The following WDR53 variants were observed in gnomAD, a reference collection of about 807,000 sequenced individuals.
WDR53 encodes WD repeat-containing protein 53.
In WDR53, 19 loss-of-function variants were observed where a neutral mutation model predicts 21.3. That is an observed-to-expected ratio of 0.89 (90% CI 0.62 to 1.31). The LOEUF (loss-of-function observed/expected upper bound fraction) is 1.31, where lower values mean the gene tolerates loss of function less well. Ranked by LOEUF, WDR53 falls within the 50% of genes most tolerant of loss-of-function variation. The probability of loss-of-function intolerance (pLI) is 0.00; values close to 1 mark genes in which losing one functional copy is unlikely to be tolerated. For missense variants in WDR53, 374 were observed against 423.2 expected (o/e 0.88, Z 1.02); for synonymous variants, 157 against 163.4 (o/e 0.96, Z 0.30).
At chr3:196,557,937 T>G (rs1734484717) in intron 3 of WDR53, among the ~76,000 whole-genome samples, 1 of 151,788 alleles carries the variant, frequency 6.6e-6, no homozygotes, top group African/African-American at 2.4e-5. Flanking sequence ...ACTACACACC[T>G]GGCTACTTTT....
At chr3:196,556,285 C>G (rs531510005) in intron 3 of WDR53, among the ~76,000 whole-genome samples, 1 of 152,000 alleles carries the variant, frequency 6.6e-6, no homozygotes, top group Non-Finnish European at 1.5e-5. Context: ...TGGGCTCAAG[C>G]GATCCACTCA....
chr3:196,556,118 T>A lies in WDR53; in HGVS notation c.481-1311A>T, dbSNP rs537684267. ...TAGAGTGCAGTGGCATGACCATGGC[T>A]CACTGCAGCCTTGACCTCTTGGGTT... On this transcript the variant is annotated intron_variant, in intron 3 of 3. Transcript: ENST00000332629. Among the ~76,000 whole-genome samples the A allele has an allele frequency of 6.5e-4, 99 of 152,176 alleles. 1 individual carries two copies. The highest frequency in any genetic ancestry group is 2.4e-3 in the African/African-American group (98 of 41,534).
chr3:196,554,462 T>G lies in WDR53; in HGVS notation c.826A>C (p.Lys276Gln). The change falls in exon 4 of 4, where the codon AAA becomes CAA. Residue 276 changes from lysine to glutamine, a missense_variant. Coordinates refer to ENST00000332629, the MANE Select transcript of WDR53 (RefSeq NM_182627.3). ...CGTTTTGTGGGACTCTTCTGTTTTT[T>G]CTCAACTTCACTGTTTGCATCCCAC... ...TLWDANSEVE[K>Q]KQKSPTKRTH... 1 of 1,614,164 alleles carries G rather than the reference T, an allele frequency of 6.2e-7. No homozygotes were observed. The highest frequency in any genetic ancestry group is 8.5e-7 in the Non-Finnish European group (1 of 1,180,016).
At chr3:196,562,259 G>GTTGTT (rs1221636232) in intron 2 of WDR53, among the ~76,000 whole-genome samples, 29 of 152,154 alleles carry the variant, frequency 1.9e-4, no homozygotes, top group Non-Finnish European at 3.5e-4. Flanking sequence ...TTTTGTTGTT[G>GTTGTT]TTGTTTTGTT....
At chr3:196,559,041 A>G (rs1354853802) in intron 3 of WDR53, among the ~76,000 whole-genome samples, 1 of 152,220 alleles carries the variant, frequency 6.6e-6, no homozygotes, top group African/African-American at 2.4e-5. Context: ...CTGAATGCCC[A>G]TTCCTCATCT....
chr3:196,556,441 T>G (rs971248981), intron 3 of WDR53, among the ~76,000 whole-genome samples: 22 of 151,948 alleles, frequency 1.4e-4, no homozygotes, highest in African/African-American at 4.6e-4. Context: ...CGGATCACGA[T>G]GTCAGGAGAT....
chr3:196,567,751 T>TTGTGTGTGTGTGTGTGTGTGTGTGTGTG (rs3080583), intron 1 of WDR53, among the ~76,000 whole-genome samples: 12 of 143,570 alleles, frequency 8.4e-5, no homozygotes, highest in African/African-American at 2.6e-4. Flanking sequence ...GCTGAAATTC[T>TTGTGTGTGTGTGTGTGTGTGTGTGTGTG]TGTGTGTGTG....
At chr3:196,561,586 T>A in intron 2 of WDR53, 95 bp from the exon 3 acceptor site, 3 of 1,273,166 alleles carry the variant, frequency 2.4e-6, no homozygotes, top group South Asian at 2.0e-5. Context: ...TCTTTTAAAA[T>A]GTTTTAAAAA....
At position 196,561,129 on chromosome 3, in the gene WDR53, C is replaced by T. The variant is rs1323815102; in HGVS notation, c.347G>A (p.Gly116Glu). 15 of 1,614,048 alleles carry T rather than the reference C, an allele frequency of 9.3e-6. No homozygotes were observed. The highest frequency in any genetic ancestry group is 1.3e-5 in the Non-Finnish European group (15 of 1,180,026). Reference protein sequence around the residue: ...ENLLASADDSGAIKILDLENK... With the variant: ...ENLLASADDSEAIKILDLENK... ...TTCCAAGTCTAGGATTTTGATTGCC[C>T]CAGAGTCGTCAGCAGAAGCCAGCAG... The change falls in exon 3 of 4, where the codon GGG becomes GAG. Residue 116 changes from glycine (G) to glutamate (E), a missense_variant. By Grantham distance (98) the Gly-to-Glu change is moderately conservative. Transcript: ENST00000332629.
intron 3 of WDR53, among the ~76,000 whole-genome samples, chr3:196,557,369 C>G (rs1734421705): frequency 6.6e-6 from 1 of 152,128 alleles, no homozygotes; most frequent in Non-Finnish European, 1.5e-5. Context: ...AGGGAGCCAG[C>G]CCTCCTCTGC....
At chr3:196,565,205 T>C (rs573911417) in intron 2 of WDR53, among the ~76,000 whole-genome samples, 4 of 149,990 alleles carry the variant, frequency 2.7e-5, no homozygotes, top group South Asian at 2.1e-4. Context: ...ATCACATAGA[T>C]AATATTTACT....
intron 3 of WDR53, among the ~76,000 whole-genome samples, chr3:196,560,519 G>A (rs548377447): frequency 9.9e-5 from 15 of 152,242 alleles, no homozygotes; most frequent in Admixed American, 5.2e-4. Flanking sequence ...TTACAGGCGT[G>A]AGCCACCGTG....
chr3:196,557,509 T>C (rs1391853759), intron 3 of WDR53, among the ~76,000 whole-genome samples: 1 of 152,176 alleles, frequency 6.6e-6, no homozygotes, highest in African/African-American at 2.4e-5. Flanking sequence ...ACCACTGCAC[T>C]CCAGCCTGGA....
intron 3 of WDR53, among the ~76,000 whole-genome samples, chr3:196,555,328 C>T (rs1477407711): frequency 3.3e-5 from 5 of 152,152 alleles, no homozygotes; most frequent in Admixed American, 1.3e-4. Context: ...TATTTCAGCC[C>T]GCTTCTCCTT....
chr3:196,559,863 T>G (rs1349256081), intron 3 of WDR53, among the ~76,000 whole-genome samples: 1 of 152,120 alleles, frequency 6.6e-6, no homozygotes, highest in African/African-American at 2.4e-5. Flanking sequence ...ATACTTCATG[T>G]GAATTTCAGT....
intron 3 of WDR53, among the ~76,000 whole-genome samples, chr3:196,556,674 A>AAC (rs1196228412): frequency 7.0e-6 from 1 of 143,620 alleles, no homozygotes; most frequent in South Asian, 2.2e-4. Flanking sequence ...AAAAAAAGAA[A>AAC]ATACACACAC....
Position 196,562,487 on chromosome 3 carries a change from C to G in WDR53, c.-16-996G>C, listed in dbSNP as rs1331332100. On this transcript the variant is annotated intron_variant, in intron 2 of 3. Transcript: ENST00000332629. ...ATGTTGGCCAGGCTGGTCTCAAACT[C>G]CTGACCTCAGGTGATCCACCCACCT... is the stretch of plus-strand genomic sequence containing the variant. Among the ~76,000 whole-genome samples, 6 of 152,040 alleles carry G rather than the reference C, an allele frequency of 3.9e-5. No homozygotes were observed. The East Asian group carries it at 1.2e-3, about 29-fold the overall frequency.
Position 196,554,511 on chromosome 3 carries a change from T to C in WDR53, c.777A>G (p.Gly259=). The change falls in exon 4 of 4, where the codon GGA becomes GGG. Residue 259 remains glycine, a synonymous_variant. Transcript: ENST00000332629. ...ACAACGTGATCTTCCCATCATTCCC[T>C]CCAGTAAGCAGCAAATAGGATTCTG... ...FLPESYLLLT[G]GNDGKITLWD... 1.9e-6 allele frequency: 3 copies of C among 1,614,156 alleles called. No homozygotes were observed. The highest frequency in any genetic ancestry group is 1.7e-6 in the Non-Finnish European group (2 of 1,180,030).
intron 3 of WDR53, among the ~76,000 whole-genome samples, chr3:196,556,030 G>A (rs1441947998): frequency 6.6e-6 from 1 of 152,066 alleles, no homozygotes; most frequent in Non-Finnish European, 1.5e-5. Context: ...ACGAAGGAGT[G>A]CTGAAACTTG....
Sources: allele counts gnomAD v4.1 joint callset (sites outside exome capture counted in the v4.1 genomes callset), GRCh38; gene constraint gnomAD v4.1.1; transcripts MANE v1.5; gene names NCBI Gene and HGNC (gene_info 2026-07-23, HGNC 2026-07-21).